The following ANK2 variants were observed in gnomAD, a reference collection of about 807,000 sequenced individuals.
ANK2 encodes ankyrin 2, also known as ankyrin-2.
ANK2 carries 83 observed loss-of-function variants against 360.5 expected under a neutral mutation model. That is an observed-to-expected ratio of 0.23 (90% CI 0.19 to 0.28). ANK2 has a LOEUF of 0.28. Ranked by LOEUF, ANK2 falls within the 10% of genes least tolerant of loss-of-function variation. The pLI, the probability that ANK2 is intolerant of heterozygous loss-of-function variation, is 1.00. For synonymous variants in ANK2, 1,740 were observed against 1,759.5 expected (o/e 0.99, Z 0.28); for missense variants, 4,201 against 4,795.7 (o/e 0.88, Z 3.66).
intron 2 of ANK2, among the ~76,000 whole-genome samples, chr4:113,182,305 G>A (rs536852624): frequency 6.6e-6 from 1 of 152,252 alleles, no homozygotes; most frequent in East Asian, 1.9e-4. Context: ...AGTTTGATTT[G>A]TTTGTGTGAT....
At chr4:112,770,715 A>ATC in the ANK2 span, among the ~76,000 whole-genome samples, 2 of 150,698 alleles carry the variant, frequency 1.3e-5, no homozygotes, top group African/African-American at 4.9e-5. Context: ...CTCTCTCAAA[A>ATC]AAAAAAAAAA....
chr4:113,287,716 ACT>A lies in ANK2; in HGVS notation c.2178+17_2178+18del. 6.3e-7 allele frequency: 1 copy of A among 1,590,092 alleles called. No homozygotes were observed. The highest frequency in any genetic ancestry group is 1.1e-5 in the South Asian group (1 of 90,542). On this transcript the variant is annotated intron_variant, in intron 19 of 45. Transcript: ENST00000357077. ...TGCTCATACAAAGGTAAAGCAAATC[ACT>A]CTCAGTATTGTGACAGGTTCTGGCT...
chr4:113,293,413 A>ACT, intron 21 of ANK2, 27 bp from the exon 22 acceptor site: 1 of 1,589,106 alleles, frequency 6.3e-7, no homozygotes, highest in Middle Eastern at 1.7e-4. Flanking sequence ...CTTATTTCTC[A>ACT]CTCTCTCTCT....
intron 2 of ANK2, among the ~76,000 whole-genome samples, chr4:113,012,528 T>A (rs1401023265): frequency 6.6e-6 from 1 of 152,220 alleles, no homozygotes; most frequent in Non-Finnish European, 1.5e-5. Context: ...ATACCCTTTC[T>A]ATGGCTAGTG....
chr4:113,291,314 C>T (rs774701926), intron 20 of ANK2, among the ~76,000 whole-genome samples: 1 of 152,250 alleles, frequency 6.6e-6, no homozygotes, highest in Non-Finnish European at 1.5e-5. Flanking sequence ...CTGATTTGAC[C>T]GCAGAGTCCC....
At chr4:113,145,432 A>G (rs2096792030) in intron 1 of ANK2, among the ~76,000 whole-genome samples, 1 of 152,222 alleles carries the variant, frequency 6.6e-6, no homozygotes, top group African/African-American at 2.4e-5. Context: ...ATTCAAAGGC[A>G]TTCATTGAGT....
At position 113,383,676 on chromosome 4, in the gene ANK2, C is replaced by T. The variant is rs1384119654; in HGVS notation, c.*2205C>T. ...AAAAAAAAATACAACACTAACAATA[C>T]ATAGCTGCAATGTGTACAATGGCTG... On this transcript the variant is annotated 3_prime_UTR_variant, in exon 46 of 46. Coordinates refer to ENST00000357077, the MANE Select transcript of ANK2 (RefSeq NM_001148.6). The T allele has an allele frequency of 6.6e-6, 1 of 152,554 alleles. No individual in the cohort carries two copies. Among genetic ancestry groups the T allele is most frequent in the Non-Finnish European group, 1.5e-5 (1 of 68,018 alleles). 9.5% of individuals were successfully genotyped at this position (152,554 alleles called of 1,614,324 possible).
chr4:112,995,201 C>T (rs915753759), intron 2 of ANK2, among the ~76,000 whole-genome samples: 2 of 152,182 alleles, frequency 1.3e-5, no homozygotes, highest in Non-Finnish European at 2.9e-5. Context: ...CTTTCCACAG[C>T]GGCTGCACTA....
At chr4:113,136,025 T>C (rs1314823793) in intron 1 of ANK2, among the ~76,000 whole-genome samples, 1 of 152,212 alleles carries the variant, frequency 6.6e-6, no homozygotes, top group East Asian at 1.9e-4. Flanking sequence ...TAGTGCTGAA[T>C]GAATATTTGT....
chr4:113,056,556 C>A (rs938840194), intron 1 of ANK2, among the ~76,000 whole-genome samples: 1 of 152,032 alleles, frequency 6.6e-6, no homozygotes, highest in South Asian at 2.1e-4. Context: ...GGACACTGGT[C>A]GGATACATCA....
At chr4:112,772,893 C>T in the ANK2 span, among the ~76,000 whole-genome samples, 2 of 152,024 alleles carry the variant, frequency 1.3e-5, no homozygotes, top group African/African-American at 2.4e-5. Context: ...TACTGGGGAG[C>T]GTGTGTTCTG....
At chr4:112,747,444 G>A in the ANK2 span, among the ~76,000 whole-genome samples, 147 of 152,346 alleles carry the variant, frequency 9.6e-4, no homozygotes, top group Admixed American at 1.5e-3. Context: ...ATATTTACAT[G>A]TGAAAATTGG....
At chr4:112,960,229 A>G (rs1009842153) in intron 2 of ANK2, among the ~76,000 whole-genome samples, 1 of 152,134 alleles carries the variant, frequency 6.6e-6, no homozygotes, top group South Asian at 2.1e-4. Context: ...GGACCTGCAT[A>G]TATTCATATA....
chr4:112,854,156 G>C (rs190140420), intron 1 of ANK2, among the ~76,000 whole-genome samples: 117 of 152,256 alleles, frequency 7.7e-4, no homozygotes, highest in African/African-American at 2.7e-3. Context: ...GAGGAGTGTG[G>C]ATTTGTAAAG....
chr4:113,124,147 A>G (rs903013383), intron 1 of ANK2, among the ~76,000 whole-genome samples: 6 of 152,196 alleles, frequency 3.9e-5, no homozygotes, highest in African/African-American at 1.4e-4. Context: ...AAGGAAGACC[A>G]CTACATTGTG....
the ANK2 span, among the ~76,000 whole-genome samples, chr4:112,724,064 CTTTTTT>C: frequency 7.4e-6 from 1 of 135,142 alleles, no homozygotes. Context: ...CAGGAAAAAT[CTTTTTT>C]TTTTTTTTTT....
the ANK2 span, among the ~76,000 whole-genome samples, chr4:112,744,808 C>T: frequency 1.3e-5 from 2 of 152,190 alleles, no homozygotes; most frequent in Non-Finnish European, 1.5e-5. Flanking sequence ...CAACATTAAG[C>T]TTTTTCTCTC....
intron 2 of ANK2, among the ~76,000 whole-genome samples, chr4:113,194,629 C>T (rs557198434): frequency 4.1e-4 from 62 of 152,002 alleles, no homozygotes; most frequent in African/African-American, 1.4e-3. Context: ...TTAAAATCTA[C>T]CTGATATTTT....
chr4:112,738,716 G>T, the ANK2 span: 35 of 612,962 alleles, frequency 5.7e-5, 1 homozygote, highest in East Asian at 1.4e-3. Flanking sequence ...TCATTAAAAA[G>T]AGAACCAAGA....
Sources: allele counts gnomAD v4.1 joint callset (sites outside exome capture counted in the v4.1 genomes callset), GRCh38; gene constraint gnomAD v4.1.1; transcripts MANE v1.5; gene names NCBI Gene and HGNC (gene_info 2026-07-23, HGNC 2026-07-21).